The following ADAM22 variants were observed in gnomAD, a reference collection of about 807,000 sequenced individuals.
The protein encoded by ADAM22 is ADAM metallopeptidase domain 22, also known as disintegrin and metalloproteinase domain-containing protein 22.
A neutral mutation model predicts 144.6 loss-of-function variants in ADAM22; 65 were observed. The ratio of observed to expected loss-of-function variants is 0.45; its 90% CI spans 0.37 to 0.55. ADAM22 has a LOEUF of 0.55. ADAM22 is among the 20% of genes least tolerant of loss of function. ADAM22 has a pLI of 0.00. For missense variants in ADAM22, 974 were observed against 1,184.9 expected, an observed-to-expected ratio of 0.82 and a Z score of 2.61; for synonymous variants, 391 against 412.6, an observed-to-expected ratio of 0.95 and a Z score of 0.63.
intron 4 of ADAM22, among the ~76,000 whole-genome samples, chr7:88,085,400 G>T (rs1328370391): frequency 3.9e-5 from 6 of 152,126 alleles, no homozygotes; most frequent in Non-Finnish European, 8.8e-5. Flanking sequence ...TTTTGGTAAA[G>T]AATACATTTT....
intron 3 of ADAM22, among the ~76,000 whole-genome samples, chr7:88,045,734 G>A (rs556384808): frequency 2.0e-4 from 30 of 152,076 alleles, no homozygotes; most frequent in African/African-American, 7.0e-4. Context: ...TTTCTCTTTC[G>A]TGAGTTCAAC....
chr7:88,122,653 G>A (rs1829579798), intron 7 of ADAM22, among the ~76,000 whole-genome samples: 1 of 152,166 alleles, frequency 6.6e-6, no homozygotes, highest in Admixed American at 6.5e-5. Flanking sequence ...TAGTCCTTCT[G>A]TGTGTAAAAC....
At chr7:88,142,462 A>G (rs1329050527) in intron 14 of ADAM22, among the ~76,000 whole-genome samples, 1 of 152,054 alleles carries the variant, frequency 6.6e-6, no homozygotes, top group African/African-American at 2.4e-5. Flanking sequence ...ATTTTTCCCA[A>G]CTCTCCTTGA....
At chr7:88,133,283 A>G (rs1832241510) in intron 12 of ADAM22, among the ~76,000 whole-genome samples, 1 of 151,938 alleles carries the variant, frequency 6.6e-6, no homozygotes, top group Admixed American at 6.6e-5. Flanking sequence ...GGATGGCTTA[A>G]GCCTGGGAGG....
intron 11 of ADAM22, 151 bp from the exon 12 acceptor site, chr7:88,132,716 A>G: frequency 8.5e-6 from 5 of 587,172 alleles, no homozygotes; most frequent in Middle Eastern, 3.7e-4. Flanking sequence ...GGTTACATGT[A>G]TAAACAATTT....
intron 3 of ADAM22, among the ~76,000 whole-genome samples, chr7:87,991,427 C>T (rs998815356): frequency 3.0e-5 from 4 of 134,348 alleles, no homozygotes; most frequent in African/African-American, 5.7e-5. Flanking sequence ...AATGTAGTGG[C>T]GGAATCTCGG....
In ADAM22 at chr7:87,972,458, T is replaced by C. The variant is rs1175255285; in HGVS notation, c.247-5878T>C. Among the ~76,000 whole-genome samples the C allele has an allele frequency of 3.3e-5, 5 of 152,036 alleles. No homozygotes were observed. The East Asian group carries it at 9.6e-4, about 29-fold the overall frequency. ...AGGATACAAACAAATGGAAGAACGT[T>C]CCATGCTCATGGGTAGGAAGAATCA... is the stretch of plus-strand genomic sequence containing the variant. On this transcript the variant is annotated intron_variant, in intron 2 of 31. Transcript: ENST00000413139.
intron 3 of ADAM22, among the ~76,000 whole-genome samples, chr7:88,020,675 C>A (rs1340140917): frequency 1.3e-5 from 2 of 152,078 alleles, no homozygotes; most frequent in African/African-American, 4.8e-5. Flanking sequence ...TGGAATAGGC[C>A]CAGGCAGTCC....
intron 2 of ADAM22, among the ~76,000 whole-genome samples, chr7:87,948,388 A>G (rs1203214935): frequency 6.6e-6 from 1 of 151,712 alleles, no homozygotes; most frequent in African/African-American, 2.4e-5. Flanking sequence ...CTTTTTTTCC[A>G]TTCATTTGTT....
At chr7:88,098,788 T>TA (rs1235783956) in intron 4 of ADAM22, among the ~76,000 whole-genome samples, 1 of 152,216 alleles carries the variant, frequency 6.6e-6, no homozygotes, top group African/African-American at 2.4e-5. Context: ...ATGTATCTTT[T>TA]AAATGAAATT....
At chr7:88,194,047 C>G (rs1214922178) in intron 31 of ADAM22, among the ~76,000 whole-genome samples, 2 of 152,192 alleles carry the variant, frequency 1.3e-5, no homozygotes, top group African/African-American at 4.8e-5. Flanking sequence ...CAAGACAATT[C>G]AGATTCCCAG....
In ADAM22 at chr7:88,036,533, A is replaced by G. The variant is rs549122669; in HGVS notation, c.324-39093A>G. 6.6e-5 allele frequency among the ~76,000 whole-genome samples: 10 copies of G among 152,302 alleles called. No homozygotes were observed. The East Asian group carries it at 1.7e-3, about 26-fold the overall frequency. Reference sequence around the variant, plus strand: ...CAATCATTAATAATACGTTAACAGTATAACAGCACAGATATAAGGAAGTTT... The same window carrying G: ...CAATCATTAATAATACGTTAACAGTGTAACAGCACAGATATAAGGAAGTTT... On this transcript the variant is annotated intron_variant, in intron 3 of 31. Transcript: ENST00000413139.
At chr7:88,151,905 T>C (rs1020300682) in intron 20 of ADAM22, among the ~76,000 whole-genome samples, 2 of 152,240 alleles carry the variant, frequency 1.3e-5, no homozygotes, top group African/African-American at 4.8e-5. Flanking sequence ...ATTTAAATTA[T>C]ACTCTATTTA....
At chr7:88,131,472 A>G in intron 11 of ADAM22, 37 bp downstream of exon 11, 1 of 1,596,698 alleles carries the variant, frequency 6.3e-7, no homozygotes. Context: ...ACTTTTTTTG[A>G]TTCCATGTTA....
chr7:87,972,220 G>A (rs1850631546), intron 2 of ADAM22, among the ~76,000 whole-genome samples: 2 of 152,212 alleles, frequency 1.3e-5, no homozygotes, highest in South Asian at 4.1e-4. Flanking sequence ...AAGTTGTTAA[G>A]CAACTTCAGC....
At chr7:87,941,272 T>C (rs981917562) in intron 2 of ADAM22, among the ~76,000 whole-genome samples, 2 of 152,122 alleles carry the variant, frequency 1.3e-5, no homozygotes, top group Non-Finnish European at 2.9e-5. Context: ...CAGTAACAAA[T>C]GGGAAAAATG....
chr7:88,163,467 G>A (rs1341313003), intron 23 of ADAM22, among the ~76,000 whole-genome samples: 1 of 151,900 alleles, frequency 6.6e-6, no homozygotes, highest in African/African-American at 2.4e-5. Context: ...AAGTGAACTA[G>A]GAGATAAATT....
At chr7:88,162,926 A>G (rs1203980932) in intron 22 of ADAM22, 86 bp from the exon 23 acceptor site, 2 of 1,435,940 alleles carry the variant, frequency 1.4e-6, no homozygotes, top group Non-Finnish European at 1.9e-6. Flanking sequence ...AGAGGAAGCA[A>G]TATTGCCTGC....
At chr7:88,122,420 C>T (rs947631258) in intron 7 of ADAM22, among the ~76,000 whole-genome samples, 4 of 152,154 alleles carry the variant, frequency 2.6e-5, no homozygotes, top group African/African-American at 4.8e-5. Flanking sequence ...TACAAAAGGG[C>T]GTGAGTACCA....
Sources: gnomAD v4.1 joint callset for allele counts (sites outside exome capture counted in the v4.1 genomes callset) on GRCh38, gnomAD v4.1.1 for gene constraint, MANE v1.5 for transcripts, NCBI Gene and HGNC (gene_info 2026-07-23, HGNC 2026-07-21) for gene names.